TUT4: variants seen among roughly 807,000 people sequenced by gnomAD.
TUT4 encodes terminal uridylyltransferase 4.
TUT4 carries 36 observed loss-of-function variants against 192.2 expected under a neutral mutation model. The ratio of observed to expected loss-of-function variants is 0.19; its 90% CI spans 0.14 to 0.25. TUT4 has a LOEUF of 0.25. TUT4 is among the 10% of genes least tolerant of loss of function. TUT4 has a pLI of 1.00. For synonymous variants in TUT4, 618 were observed against 666.0 expected, an observed-to-expected ratio of 0.93 and a Z score of 1.11; for missense variants, 1,493 against 1,957.2, an observed-to-expected ratio of 0.76 and a Z score of 4.47.
intron 2 of TUT4, among the ~76,000 whole-genome samples, chr1:52,519,697 C>T (rs570501581): frequency 1.7e-4 from 26 of 151,952 alleles, no homozygotes; most frequent in African/African-American, 6.0e-4. Context: ...TTAGTAGAGA[C>T]GGGGTTTCGC....
intron 14 of TUT4, 119 bp downstream of exon 14, chr1:52,471,833 A>G: frequency 9.8e-7 from 1 of 1,019,008 alleles, no homozygotes; most frequent in Admixed American, 2.9e-5. Context: ...GTGCTTGGGT[A>G]TCTATTCAAA....
At chr1:52,480,432 A>C (rs942549177) in intron 11 of TUT4, among the ~76,000 whole-genome samples, 1 of 152,260 alleles carries the variant, frequency 6.6e-6, no homozygotes. Flanking sequence ...TGATGATACA[A>C]GTTTTGGCAA....
At chr1:52,464,871 T>C (rs1663677143) in intron 16 of TUT4, 199 bp downstream of exon 16, 2 of 415,632 alleles carry the variant, frequency 4.8e-6, no homozygotes, top group East Asian at 3.8e-5. Flanking sequence ...TATCATAAAA[T>C]TACTGAAACA....
chr1:52,466,065 T>C (rs1664032855), intron 15 of TUT4, among the ~76,000 whole-genome samples: 1 of 152,132 alleles, frequency 6.6e-6, no homozygotes, highest in African/African-American at 2.4e-5. Context: ...AATTCTAAAG[T>C]AGACTACACA....
intron 2 of TUT4, among the ~76,000 whole-genome samples, chr1:52,523,615 CA>C (rs1023815046): frequency 0.015 from 2,112 of 142,158 alleles, 46 homozygotes; most frequent in African/African-American, 0.051. Flanking sequence ...CAAACCAAAA[CA>C]AAAAAAAAAA....
intron 4 of TUT4, among the ~76,000 whole-genome samples, chr1:52,500,333 A>T (rs1284461898): frequency 6.6e-6 from 1 of 152,180 alleles, no homozygotes; most frequent in Non-Finnish European, 1.5e-5. Context: ...AAAGACCTAA[A>T]TGTCAGAAAC....
chr1:52,481,922 A>C lies in TUT4; in HGVS notation c.1517T>G (p.Leu506Trp). Reference sequence around the variant, plus strand: ...ATCAGTTTGGGAGTCAATATAGCACAACTGCAAAATGAAGGGGAAAAAAGT... The same window carrying C: ...ATCAGTTTGGGAGTCAATATAGCACCACTGCAAAATGAAGGGGAAAAAAGT... ...LVLAFRYWAK[L>W]CYIDSQTDGG... is the part of the protein sequence containing the mutation. Residue 506 changes from leucine (L) to tryptophan (W), a missense_variant and splice_region_variant, in exon 10 of 30, where the codon TTG becomes TGG. Leu to Trp is a moderately conservative substitution (Grantham distance 61). Transcript: ENST00000257177. 1 of 1,509,454 alleles carries C rather than the reference A, an allele frequency of 6.6e-7. No individual in the cohort carries two copies. Among genetic ancestry groups the C allele is most frequent in the Non-Finnish European group, 8.8e-7 (1 of 1,136,012 alleles). 93.5% of individuals were successfully genotyped at this position (1,509,454 alleles called of 1,614,324 possible). A position where few individuals can be genotyped will look rare whatever the true frequency, so the allele number is the denominator to read the frequency against.
intron 4 of TUT4, among the ~76,000 whole-genome samples, chr1:52,508,850 C>T (rs1416417342): frequency 2.6e-5 from 4 of 152,198 alleles, no homozygotes; most frequent in African/African-American, 7.2e-5. Flanking sequence ...CTATTCATAT[C>T]TATGTCTATG....
chr1:52,461,422 T>C (rs1662524360), intron 18 of TUT4, 91 bp downstream of exon 18: 2 of 1,316,176 alleles, frequency 1.5e-6, no homozygotes, highest in Non-Finnish European at 2.1e-6. Flanking sequence ...TTCCTTATAC[T>C]GTTCACATTT....
intron 14 of TUT4, among the ~76,000 whole-genome samples, chr1:52,471,141 C>T (rs761573013): frequency 2.0e-5 from 3 of 151,640 alleles, no homozygotes; most frequent in African/African-American, 7.3e-5. Flanking sequence ...CTCAGACTCC[C>T]GAGTAACTGG....
rs72903679 is a variant in TUT4 at position 52,501,230 on chromosome 1, A to C, written c.1000-4047T>G. The stretch of plus-strand genomic sequence containing the variant: ...ATCTAATAAGGGATTAATATCCAGA[A>C]TATATAAATAATCCCTTAAACTCAA... On this transcript the variant is annotated intron_variant, in intron 4 of 29. Transcript: ENST00000257177. Among the ~76,000 whole-genome samples, 468 of 152,334 alleles carry C rather than the reference A, an allele frequency of 3.1e-3. 4 individuals carry two copies. The highest frequency in any genetic ancestry group is 0.011 in the African/African-American group (441 of 41,574).
At chr1:52,473,777 T>G (rs147149843) in intron 13 of TUT4, among the ~76,000 whole-genome samples, 87 of 152,296 alleles carry the variant, frequency 5.7e-4, no homozygotes, top group Non-Finnish European at 9.4e-4. Flanking sequence ...AATAATGATA[T>G]TGCAATTATC....
At chr1:52,513,393 C>CAAAAAAAAAAAAAAAAAAAAAAAAAAAA (rs554170439) in intron 3 of TUT4, among the ~76,000 whole-genome samples, 1 of 42,114 alleles carries the variant, frequency 2.4e-5, no homozygotes, top group African/African-American at 1.7e-4. Context: ...GACCCTGTCT[C>CAAAAAAAAAAAAAAAAAAAAAAAAAAAA]AAAAAAAAAA....
At chr1:52,464,421 AT>A (rs960032982) in intron 16 of TUT4, among the ~76,000 whole-genome samples, 1 of 151,460 alleles carries the variant, frequency 6.6e-6, no homozygotes, top group Non-Finnish European at 1.5e-5. Flanking sequence ...TGCCCAGCTA[AT>A]TTTTTTTATT....
intron 9 of TUT4, among the ~76,000 whole-genome samples, chr1:52,484,268 A>G (rs1172366998): frequency 6.6e-6 from 1 of 152,216 alleles, no homozygotes; most frequent in Non-Finnish European, 1.5e-5. Context: ...TATAATAAAA[A>G]ATACAAATTA....
intron 4 of TUT4, among the ~76,000 whole-genome samples, chr1:52,507,545 T>C (rs1270248537): frequency 1.3e-5 from 2 of 152,194 alleles, no homozygotes; most frequent in Non-Finnish European, 2.9e-5. Context: ...ATACGTCCTA[T>C]ATGGCTGCAT....
rs759338349 is a variant in TUT4, at chr1:52,525,682, C to T, written c.599G>A (p.Gly200Glu). Residue 200 changes from glycine (G) to glutamate (E), a missense_variant, in exon 2 of 30, where the codon GGG becomes GAG. Transcript: ENST00000257177. ...GTTTTGCAGAGCACATTTTTCTCCC[C>T]CTACAGCTTCAATATTCACTTTGTC... ...SVDKVNIEAV[G>E]GEKCALQNSP... is the part of the protein sequence containing the mutation. The T allele has an allele frequency of 9.9e-6, 16 of 1,614,138 alleles. No individual in the cohort carries two copies. The East Asian group carries it at 1.1e-4, about 11-fold the overall frequency.
intron 1 of TUT4, among the ~76,000 whole-genome samples, chr1:52,546,557 G>C (rs901417819): frequency 1.3e-5 from 2 of 152,144 alleles, no homozygotes; most frequent in African/African-American, 4.8e-5. Context: ...ATCATTTAAT[G>C]GGTATAGAGT....
Position 52,490,950 on chromosome 1 carries a change from G to A in TUT4, c.1319-149C>T, listed in dbSNP as rs149390093. 94 of 662,218 alleles carry A rather than the reference G, an allele frequency of 1.4e-4. 1 individual carries two copies. The East Asian group carries it at 2.2e-3, about 16-fold the overall frequency. 41.0% of individuals were successfully genotyped at this position (662,218 alleles called of 1,614,324 possible). A position where few individuals can be genotyped will look rare whatever the true frequency, so the allele number is the denominator to read the frequency against. ...TTCTCATTATGAGCACCAACCCAGCGAAATCTCTTACCTCTCCTGGTGTCA... is the reference window on the plus strand; with the variant it reads ...TTCTCATTATGAGCACCAACCCAGCAAAATCTCTTACCTCTCCTGGTGTCA... On this transcript the variant is annotated intron_variant, in intron 7 of 29. Coordinates refer to ENST00000257177, the MANE Select transcript of TUT4 (RefSeq NM_001009881.3).
Sources: gnomAD v4.1 joint callset for allele counts (sites outside exome capture counted in the v4.1 genomes callset) on GRCh38, gnomAD v4.1.1 for gene constraint, MANE v1.5 for transcripts, NCBI Gene and HGNC (gene_info 2026-07-23, HGNC 2026-07-21) for gene names.